The following DMD variants were observed in gnomAD, a reference collection of about 807,000 sequenced individuals.
DMD encodes the protein dystrophin.
A neutral mutation model predicts 330.1 loss-of-function variants in DMD; 63 were observed. The ratio of observed to expected loss-of-function variants is 0.19; its 90% CI spans 0.16 to 0.24. DMD has a LOEUF of 0.24. Among genes scored for constraint, DMD ranks in the 10% least tolerant of loss-of-function variants. The pLI is 1.00. For synonymous variants in DMD, 1,223 were observed against 959.8 expected (o/e 1.27, Z -5.07); for missense variants, 3,344 against 2,684.1 (o/e 1.25, Z -5.43).
intron 1 of DMD, among the ~76,000 whole-genome samples, chrX:33,082,548 C>G (rs1395276133): frequency 8.9e-6 from 1 of 112,316 alleles, no homozygotes; most frequent in African/African-American, 3.2e-5. Flanking sequence ...AAAGACAAAG[C>G]CTTAGCTACT....
chrX:32,889,410 T>C (rs1317714882), intron 2 of DMD, among the ~76,000 whole-genome samples: 5 of 110,655 alleles, frequency 4.5e-5, no homozygotes, highest in African/African-American at 1.3e-4. Flanking sequence ...ATGGGATGAA[T>C]TGTACATGAA....
chrX:33,018,974 G>C (rs181921215), intron 2 of DMD, among the ~76,000 whole-genome samples: 1 of 111,772 alleles, frequency 8.9e-6, no homozygotes, highest in Admixed American at 9.5e-5. Flanking sequence ...TAATTATTCA[G>C]CAAGTAAATA....
chrX:33,008,977 C>G (rs1356321913), intron 2 of DMD, among the ~76,000 whole-genome samples: 1 of 95,562 alleles, frequency 1.0e-5, no homozygotes, highest in African/African-American at 3.8e-5. Context: ...TGTATATACA[C>G]TTATGTATAT....
chrX:32,895,478 C>T (rs774002766), intron 2 of DMD, among the ~76,000 whole-genome samples: 2 of 111,099 alleles, frequency 1.8e-5, no homozygotes, highest in Non-Finnish European at 3.8e-5. Flanking sequence ...AGTGGGTTTG[C>T]GGGTTACTGT....
intron 43 of DMD, among the ~76,000 whole-genome samples, chrX:32,219,521 T>A (rs969256453): frequency 2.7e-5 from 3 of 111,693 alleles, no homozygotes; most frequent in Middle Eastern, 4.6e-3. Context: ...TGAAATAATT[T>A]AAAATTTTTT....
At chrX:33,048,923 T>A (rs1311980933) in intron 1 of DMD, among the ~76,000 whole-genome samples, 2 of 110,615 alleles carry the variant, frequency 1.8e-5, no homozygotes, top group African/African-American at 6.6e-5. Context: ...TAAAACTGTA[T>A]CTCAACTTGT....
At chrX:31,799,547 T>G (rs1256434001) in intron 50 of DMD, among the ~76,000 whole-genome samples, 1 of 111,468 alleles carries the variant, frequency 9.0e-6, no homozygotes, top group Non-Finnish European at 1.9e-5. Flanking sequence ...GAGATTACAA[T>G]TCAAGGTGAG....
chrX:32,531,043 T>TTC (rs112501279), intron 17 of DMD, among the ~76,000 whole-genome samples: 68 of 112,099 alleles, frequency 6.1e-4, no homozygotes, highest in Admixed American at 4.7e-3. Context: ...TCAATTTGGC[T>TTC]TCTTTCGTTT....
chrX:32,321,083 A>G (rs1427064139), intron 41 of DMD, among the ~76,000 whole-genome samples: 1 of 112,128 alleles, frequency 8.9e-6, no homozygotes, highest in Admixed American at 9.5e-5. Context: ...ATTGTGAATT[A>G]TACATAATTT....
At chrX:32,323,598 G>T (rs1013274853) in intron 41 of DMD, among the ~76,000 whole-genome samples, 2 of 111,343 alleles carry the variant, frequency 1.8e-5, no homozygotes, top group East Asian at 2.8e-4. Flanking sequence ...GGTGATGAGG[G>T]CATTGTTCTT....
chrX:32,851,746 G>A (rs1053012115), intron 2 of DMD, among the ~76,000 whole-genome samples: 1 of 112,359 alleles, frequency 8.9e-6, no homozygotes, highest in African/African-American at 3.2e-5. Context: ...TGTGCTTGCA[G>A]GAGGGAGGGC....
intron 47 of DMD, among the ~76,000 whole-genome samples, chrX:31,917,451 T>G: frequency 8.9e-6 from 1 of 112,142 alleles, no homozygotes; most frequent in South Asian, 3.7e-4. Flanking sequence ...TTTAGAAAGA[T>G]TAATAAAAAC....
chrX:32,679,050 A>C (rs1457164394), intron 9 of DMD, among the ~76,000 whole-genome samples: 1 of 112,162 alleles, frequency 8.9e-6, no homozygotes, highest in Non-Finnish European at 1.9e-5. Flanking sequence ...GGAAAAAAAT[A>C]TGTAATGAAA....
At chrX:32,604,207 T>G (rs1031949526) in intron 12 of DMD, among the ~76,000 whole-genome samples, 6 of 110,466 alleles carry the variant, frequency 5.4e-5, no homozygotes, top group African/African-American at 9.9e-5. Context: ...ATATCTGTGA[T>G]TCACCACATA....
intron 52 of DMD, among the ~76,000 whole-genome samples, chrX:31,724,304 G>T (rs764616492): frequency 8.9e-6 from 1 of 112,174 alleles, no homozygotes; most frequent in Non-Finnish European, 1.9e-5. Flanking sequence ...TTTTTATTTC[G>T]CCATGAAGGA....
intron 11 of DMD, among the ~76,000 whole-genome samples, chrX:32,619,663 A>AGT (rs912924823): frequency 1.3e-4 from 14 of 111,658 alleles, no homozygotes; most frequent in African/African-American, 3.9e-4. Flanking sequence ...GGGTCTGTTG[A>AGT]GTGTGTGTGT....
chrX:32,644,211 T>A lies in DMD; in HGVS notation c.1252A>T (p.Thr418Ser), dbSNP rs201341211. 521 of 1,208,414 alleles carry A rather than the reference T, an allele frequency of 4.3e-4. 1 individual carries two copies. Among genetic ancestry groups the A allele is most frequent in the Non-Finnish European group, 5.4e-4 (484 of 893,930 alleles). ...GTGKLSEDEE[T>S]EVQEQMNLLN... ...AGATTCATCTGCTCTTGTACTTCAG[T>A]TTCTTCATCTTCTGATAATTTTCCT... is the stretch of plus-strand genomic sequence containing the variant. Residue 418 changes from threonine to serine, a missense_variant, in exon 11 of 79, where the codon ACT becomes TCT. Coordinates refer to ENST00000357033, the MANE Select transcript of DMD (RefSeq NM_004006.3).
intron 12 of DMD, among the ~76,000 whole-genome samples, chrX:32,608,120 A>C (rs1260823512): frequency 9.1e-6 from 1 of 110,411 alleles, no homozygotes; most frequent in Non-Finnish European, 1.9e-5. Flanking sequence ...AATACTCAGT[A>C]ATTTCTAATA....
chrX:32,978,362 T>A (rs2092611314), intron 2 of DMD, among the ~76,000 whole-genome samples: 1 of 112,667 alleles, frequency 8.9e-6, no homozygotes, highest in Admixed American at 9.4e-5. Flanking sequence ...ATATTAAATA[T>A]TTTCCAATTC....
Sources: allele counts gnomAD v4.1 joint callset (sites outside exome capture counted in the v4.1 genomes callset), GRCh38; gene constraint gnomAD v4.1.1; transcripts MANE v1.5; gene names NCBI Gene and HGNC (gene_info 2026-07-23, HGNC 2026-07-21).